The following DNAH11 variants were observed in gnomAD, a reference collection of about 807,000 sequenced individuals.
DNAH11 encodes the protein axonemal beta dynein heavy chain 11.
Under a neutral mutation model 526.0 loss-of-function variants are expected in DNAH11, and 442 were observed. The ratio of observed to expected loss-of-function variants is 0.84; its 90% CI spans 0.78 to 0.91. The LOEUF is 0.91. Among genes scored for constraint, DNAH11 ranks in the 40% least tolerant of loss-of-function variants. DNAH11 has a pLI of 0.00. For missense variants in DNAH11, 6,989 were observed against 5,448.7 expected, an observed-to-expected ratio of 1.28 and a Z score of -8.90; for synonymous variants, 2,461 against 1,935.9, an observed-to-expected ratio of 1.27 and a Z score of -7.12.
intron 5 of DNAH11, 80 bp downstream of exon 5, chr7:21,561,250 T>C (rs1489409414): frequency 5.5e-5 from 56 of 1,026,228 alleles, no homozygotes; most frequent in Non-Finnish European, 7.8e-5. Context: ...GCCTTGATAT[T>C]TACCCTTCCG....
At chr7:21,841,799 C>T (rs1348954208) in intron 65 of DNAH11, among the ~76,000 whole-genome samples, 1 of 152,180 alleles carries the variant, frequency 6.6e-6, no homozygotes, top group Non-Finnish European at 1.5e-5. Context: ...GATAATCATA[C>T]AAATGCACGA....
chr7:21,597,508 G>A (rs976730311), intron 14 of DNAH11, among the ~76,000 whole-genome samples: 22 of 152,162 alleles, frequency 1.4e-4, no homozygotes, highest in African/African-American at 5.3e-4. Flanking sequence ...GGCTGGGGAG[G>A]CCTCAGGAAA....
At chr7:21,628,295 C>G (rs1427089063) in intron 25 of DNAH11, among the ~76,000 whole-genome samples, 1 of 151,950 alleles carries the variant, frequency 6.6e-6, no homozygotes, top group Non-Finnish European at 1.5e-5. Context: ...TTTCTCTTGC[C>G]TAATTGCTCT....
At chr7:21,649,359 A>T (rs1228998842) in intron 28 of DNAH11, among the ~76,000 whole-genome samples, 1 of 152,238 alleles carries the variant, frequency 6.6e-6, no homozygotes, top group East Asian at 1.9e-4. Context: ...CACTTTATTT[A>T]TAATAGTCCA....
At chr7:21,716,243 G>A (rs777353643) in intron 42 of DNAH11, among the ~76,000 whole-genome samples, 3 of 152,074 alleles carry the variant, frequency 2.0e-5, no homozygotes, top group African/African-American at 4.8e-5. Context: ...CCAATAGGAC[G>A]CTACTGCCTT....
chr7:21,563,355 A>C (rs1237349261), intron 5 of DNAH11, among the ~76,000 whole-genome samples: 1 of 151,814 alleles, frequency 6.6e-6, no homozygotes, highest in African/African-American at 2.4e-5. Flanking sequence ...ACCACAGGCA[A>C]CTGCTACCAT....
chr7:21,592,876 T>G (rs1784738226), intron 14 of DNAH11, among the ~76,000 whole-genome samples: 1 of 152,126 alleles, frequency 6.6e-6, no homozygotes, highest in African/African-American at 2.4e-5. Flanking sequence ...GAGCAGATTT[T>G]GTAGCAGAAA....
intron 79 of DNAH11, 148 bp downstream of exon 79, chr7:21,895,147 T>G (rs972948511): frequency 3.4e-5 from 23 of 675,914 alleles, no homozygotes; most frequent in Non-Finnish European, 5.4e-5. Flanking sequence ...ACCAATTTCA[T>G]TTGAGTTTAC....
intron 75 of DNAH11, among the ~76,000 whole-genome samples, chr7:21,882,199 A>C (rs911639494): frequency 2.6e-5 from 4 of 152,224 alleles, no homozygotes; most frequent in Non-Finnish European, 5.9e-5. Flanking sequence ...GGAAGAGGGA[A>C]GTGGACACAC....
Position 21,671,712 on chromosome 7 carries a change from C to A in DNAH11, c.5329-9834C>A, listed in dbSNP as rs545140124. Among the ~76,000 whole-genome samples, 17 of 152,048 alleles carry A rather than the reference C, an allele frequency of 1.1e-4. No individual in the cohort carries two copies. The South Asian group carries it at 3.5e-3, about 32-fold the overall frequency. On this transcript the variant is annotated intron_variant, in intron 30 of 81. Coordinates refer to ENST00000409508, the MANE Select transcript of DNAH11 (RefSeq NM_001277115.2). ...CTACTTACTTTGAGCTTAATTTGTTCCTCTTTTTCAAGTTTCTTACAGTGG... is the reference window on the plus strand; with the variant it reads ...CTACTTACTTTGAGCTTAATTTGTTACTCTTTTTCAAGTTTCTTACAGTGG...
chr7:21,641,399 G>A (rs1787126792), intron 28 of DNAH11, among the ~76,000 whole-genome samples: 1 of 152,164 alleles, frequency 6.6e-6, no homozygotes, highest in African/African-American at 2.4e-5. Flanking sequence ...CATGCATGGA[G>A]GTAGAGGAGG....
rs537496383 is a variant in DNAH11 at position 21,632,876 on chromosome 7, C to T, written c.4501-2995C>T. On this transcript the variant is annotated intron_variant, in intron 25 of 81. Transcript: ENST00000409508. ...CAATAGCACCCCACCCTATTGGTAC[C>T]AATTTACTGAATTAGTTCATTTTCA... Among the ~76,000 whole-genome samples the T allele has an allele frequency of 2.6e-5, 4 of 152,244 alleles. No individual in the cohort carries two copies. In the South Asian group the frequency reaches 8.3e-4, roughly 32 times the overall value.
intron 73 of DNAH11, among the ~76,000 whole-genome samples, chr7:21,869,467 T>TC (rs1554290783): frequency 2.0e-5 from 3 of 150,388 alleles, no homozygotes; most frequent in African/African-American, 7.4e-5. Context: ...CATTGAAGGG[T>TC]GGGGGGAATG....
intron 2 of DNAH11, among the ~76,000 whole-genome samples, chr7:21,551,656 C>A (rs563063616): frequency 6.6e-6 from 1 of 152,170 alleles, no homozygotes; most frequent in Non-Finnish European, 1.5e-5. Context: ...ACAGCATGGC[C>A]ATTATGTCTC....
rs554325212 is a variant in DNAH11, at chr7:21,728,448, G to A, written c.7440+2464G>A. Among the ~76,000 whole-genome samples the A allele has an allele frequency of 5.7e-3, 857 of 151,372 alleles. 14 individuals carry two copies. Among genetic ancestry groups the A allele is most frequent in the African/African-American group, 0.019 (798 of 41,228 alleles). ...TAATTTTTGTATTTTTAGTAGAGAC[G>A]GGGTTTCACCATGTTGGCCAGGCTG... is the stretch of plus-strand genomic sequence containing the variant. On this transcript the variant is annotated intron_variant, in intron 45 of 81. Coordinates refer to ENST00000409508, the MANE Select transcript of DNAH11 (RefSeq NM_001277115.2).
intron 6 of DNAH11, 86 bp from the exon 7 acceptor site, chr7:21,569,983 A>T: frequency 1.8e-6 from 2 of 1,135,768 alleles, no homozygotes; most frequent in South Asian, 1.8e-5. Context: ...ACTGGCATTT[A>T]AAAATGATTC....
At position 21,789,359 on chromosome 7, in the gene DNAH11, A is replaced by C. The variant is rs942351783; in HGVS notation, c.10026+17A>C. 6.5e-7 allele frequency: 1 copy of C among 1,544,680 alleles called. No individual in the cohort carries two copies. Among genetic ancestry groups the C allele is most frequent in the Admixed American group, 2.0e-5 (1 of 50,454 alleles). Reference sequence around the variant, plus strand: ...AAGCTTGTGGTGAGTGCAAACTATGACATTGAAAAGGTTCCCAAGAGGTGG... The same window carrying C: ...AAGCTTGTGGTGAGTGCAAACTATGCCATTGAAAAGGTTCCCAAGAGGTGG... On this transcript the variant is annotated intron_variant, in intron 61 of 81. Transcript: ENST00000409508.
intron 57 of DNAH11, 114 bp from the exon 58 acceptor site, chr7:21,784,312 CA>C: frequency 1.2e-6 from 1 of 807,418 alleles, no homozygotes; most frequent in Admixed American, 2.1e-5. Flanking sequence ...CTCACCTGTT[CA>C]AAGTACAGAG....
Position 21,615,283 on chromosome 7 carries a change from CT to C in DNAH11, c.4011+16del. 6.2e-7 allele frequency: 1 copy of C among 1,606,302 alleles called. No homozygotes were observed. The highest frequency in any genetic ancestry group is 8.5e-7 in the Non-Finnish European group (1 of 1,176,040). On this transcript the variant is annotated intron_variant, in intron 21 of 81. Transcript: ENST00000409508. ...ATTATTTATGTTCGAGTAAGATGTG[CT>C]TTTTCAAAACATGCTTTTTATTTAG...
Sources: allele counts gnomAD v4.1 joint callset (sites outside exome capture counted in the v4.1 genomes callset), GRCh38; gene constraint gnomAD v4.1.1; transcripts MANE v1.5; gene names NCBI Gene and HGNC (gene_info 2026-07-23, HGNC 2026-07-21).